The following VWA5A variants were observed in gnomAD, a reference collection of about 807,000 sequenced individuals.
The protein encoded by VWA5A is von Willebrand factor A domain containing 5A, also known as von Willebrand factor A domain-containing protein 5A.
VWA5A carries 77 observed loss-of-function variants against 84.6 expected under a neutral mutation model. The observed-to-expected ratio is 0.91, with a 90% CI of 0.76 to 1.10. The LOEUF (loss-of-function observed/expected upper bound fraction) is 1.10, where lower values mean the gene tolerates loss of function less well. Among genes scored for constraint, VWA5A ranks in the 50% least tolerant of loss-of-function variants. VWA5A has a pLI of 0.00. For synonymous variants in VWA5A, 334 were observed against 350.1 expected (o/e 0.95, Z 0.51); for missense variants, 973 against 963.0 (o/e 1.01, Z -0.14).
At chr11:124,139,452 C>T (rs1860684017) in intron 15 of VWA5A, among the ~76,000 whole-genome samples, 1 of 152,028 alleles carries the variant, frequency 6.6e-6, no homozygotes, top group South Asian at 2.1e-4. Flanking sequence ...TTATTTGTGT[C>T]TTCTTCAATT....
At chr11:124,131,805 T>A (rs867451111) in intron 11 of VWA5A, among the ~76,000 whole-genome samples, 60 of 151,830 alleles carry the variant, frequency 4.0e-4, no homozygotes, top group Non-Finnish European at 5.9e-4. Flanking sequence ...TATTTTTTTT[T>A]AAAAAATTTT....
rs1864860523 is a variant in VWA5A at position 124,117,871 on chromosome 11, T to G, written c.242T>G (p.Met81Arg). The G allele has an allele frequency of 5.0e-6, 8 of 1,614,114 alleles. No homozygotes were observed. Among genetic ancestry groups the G allele is most frequent in the Non-Finnish European group, 6.8e-6 (8 of 1,180,044 alleles). ...ATTGTAGCAGAATTACAAGACAAGA[T>G]GAAGGTAGTAGAGATTACCTCCTCC... is the stretch of plus-strand genomic sequence containing the variant. The part of the protein sequence containing the change: ...KKIVAELQDK[M>R]KARTNYEKAI... The change falls in exon 4 of 19, where the codon ATG (methionine) becomes AGG (arginine). Residue 81 changes from methionine to arginine, a missense_variant. Transcript: ENST00000456829.
chr11:124,118,310 C>A lies in VWA5A; in HGVS notation c.368C>A (p.Ala123Glu). 1.9e-6 allele frequency: 3 copies of A among 1,614,178 alleles called. No homozygotes were observed. Among genetic ancestry groups the A allele is most frequent in the Non-Finnish European group, 2.5e-6 (3 of 1,180,030 alleles). The change falls in exon 5 of 19, where the codon GCG becomes GAG. Residue 123 changes from alanine (A) to glutamate (E), a missense_variant. Coordinates refer to ENST00000456829, the MANE Select transcript of VWA5A (RefSeq NM_001130142.2). ...NVGNLQPGSKAAVTLKYVQEL... is the reference protein window; with the variant it reads ...NVGNLQPGSKEAVTLKYVQEL... ...GGTAACCTCCAACCTGGGTCGAAGG[C>A]GGCAGTCACCCTGAAGTATGTGCAG...
chr11:124,123,911 A>G (rs999170968), intron 10 of VWA5A, 107 bp downstream of exon 10: 24 of 1,400,906 alleles, frequency 1.7e-5, no homozygotes, highest in Non-Finnish European at 2.1e-5. Flanking sequence ...TGCAATTCAC[A>G]GTCTTCTATC....
At chr11:124,137,348 T>G in intron 15 of VWA5A, 80 bp downstream of exon 15, 1 of 1,515,516 alleles carries the variant, frequency 6.6e-7, no homozygotes, top group Non-Finnish European at 8.8e-7. Flanking sequence ...AGGAAAGGGC[T>G]GTGAAATGTT....
At chr11:124,145,784 C>T (rs1277640099) in intron 18 of VWA5A, 82 bp from the exon 19 acceptor site, 2 of 1,396,390 alleles carry the variant, frequency 1.4e-6, no homozygotes, top group Non-Finnish European at 2.0e-6. Context: ...AAAAGCACAA[C>T]TCAGGGTAGA....
At chr11:124,117,239 A>C in intron 2 of VWA5A, 1 of 542,672 alleles carries the variant, frequency 1.8e-6, no homozygotes. Context: ...TTGGTATTTG[A>C]ACCAGCCTCA....
chr11:124,123,524 G>T, intron 9 of VWA5A, 70 bp downstream of exon 9: 9 of 1,599,192 alleles, frequency 5.6e-6, no homozygotes, highest in Non-Finnish European at 6.9e-6. Context: ...TTGTTAAAGG[G>T]GTTACTGCGG....
intron 10 of VWA5A, 64 bp downstream of exon 10, chr11:124,123,868 C>T (rs1289481988): frequency 6.6e-7 from 1 of 1,509,986 alleles, no homozygotes; most frequent in African/African-American, 1.4e-5. Context: ...AATCTATGCC[C>T]CTGAGCTTCA....
rs1201673170 is a variant in VWA5A at position 124,119,070 on chromosome 11, G to T, written c.741G>T (p.Gly247=). 1 of 1,614,168 alleles carries T rather than the reference G, an allele frequency of 6.2e-7. No individual in the cohort carries two copies. Among genetic ancestry groups the T allele is most frequent in the Non-Finnish European group, 8.5e-7 (1 of 1,180,016 alleles). ...VHTPSVVLEM[G]MPNMKPGHLM... ...CCCCCAGCGTGGTTTTGGAGATGGG[G>T]ATGCCTAACATGAAGCCAGGTATTT... Residue 247 remains glycine, a synonymous_variant, in exon 7 of 19, where the codon GGG becomes GGT. Coordinates refer to ENST00000456829, the MANE Select transcript of VWA5A (RefSeq NM_001130142.2).
rs989960366 is a variant in VWA5A, at chr11:124,135,674, G to A, written c.1360-455G>A. Among the ~76,000 whole-genome samples the A allele has an allele frequency of 2.2e-4, 32 of 148,098 alleles. 1 individual carries two copies. In the East Asian group the frequency reaches 5.7e-3, roughly 26 times the overall value. Reference sequence around the variant, plus strand: ...GCCTCCTGAGTAGCTGGGACTACAGGCGCCCGCCACTACGCCCGGCTAATT... The same window carrying A: ...GCCTCCTGAGTAGCTGGGACTACAGACGCCCGCCACTACGCCCGGCTAATT... On this transcript the variant is annotated intron_variant, in intron 12 of 18. Coordinates refer to ENST00000456829, the MANE Select transcript of VWA5A (RefSeq NM_001130142.2).
chr11:124,140,470 A>AT (rs113680412), intron 15 of VWA5A, among the ~76,000 whole-genome samples: 43 of 149,928 alleles, frequency 2.9e-4, no homozygotes, highest in Middle Eastern at 3.5e-3. Flanking sequence ...GAATTTTTAA[A>AT]TTTTTTTTTT....
At chr11:124,142,241 C>T (rs1249219071) in intron 16 of VWA5A, among the ~76,000 whole-genome samples, 1 of 152,210 alleles carries the variant, frequency 6.6e-6, no homozygotes, top group African/African-American at 2.4e-5. Context: ...CCTGCTGCCA[C>T]CATCTGTGAG....
In VWA5A at chr11:124,138,342, C is replaced by T. The variant is rs377227271; in HGVS notation, c.1879+1074C>T. Among the ~76,000 whole-genome samples the T allele has an allele frequency of 2.7e-3, 407 of 152,202 alleles. 1 individual carries two copies. The highest frequency in any genetic ancestry group is 9.0e-3 in the African/African-American group (375 of 41,538). On this transcript the variant is annotated intron_variant, in intron 15 of 18. Transcript: ENST00000456829. The stretch of plus-strand genomic sequence containing the variant: ...GGATTGCTGGATCATATAGTACCTC[C>T]ATTTTTAACATTTTAAGGAGCCACA...
intron 11 of VWA5A, among the ~76,000 whole-genome samples, chr11:124,131,291 C>T (rs1248086314): frequency 6.6e-6 from 1 of 152,096 alleles, no homozygotes; most frequent in Non-Finnish European, 1.5e-5. Context: ...AAAGAGGATT[C>T]ATGTCCAGGG....
Position 124,123,352 on chromosome 11 carries a change from T to G in VWA5A, c.931-14T>G. Reference sequence around the variant, plus strand: ...CCTCTCTCACTCTGTCTCTTCATACTCTCTTACCTTCAGGAAACACTGATT... The same window carrying G: ...CCTCTCTCACTCTGTCTCTTCATACGCTCTTACCTTCAGGAAACACTGATT... On this transcript the variant is annotated splice_polypyrimidine_tract_variant and intron_variant, in intron 8 of 18. Coordinates refer to ENST00000456829, the MANE Select transcript of VWA5A (RefSeq NM_001130142.2). The G allele has an allele frequency of 1.2e-6, 2 of 1,609,838 alleles. No individual in the cohort carries two copies. The highest frequency in any genetic ancestry group is 1.7e-6 in the Non-Finnish European group (2 of 1,178,414).
At chr11:124,132,751 A>G (rs1242109659) in intron 11 of VWA5A, among the ~76,000 whole-genome samples, 1 of 152,120 alleles carries the variant, frequency 6.6e-6, no homozygotes, top group East Asian at 1.9e-4. Context: ...TATTTCATTA[A>G]TATCTGCTCG....
chr11:124,127,351 CT>C (rs1249813705), intron 11 of VWA5A, among the ~76,000 whole-genome samples: 2 of 152,154 alleles, frequency 1.3e-5, no homozygotes. Flanking sequence ...TGAACTCATC[CT>C]TTTTTATGGC....
Position 124,136,114 on chromosome 11 carries a change from T to C in VWA5A, c.1360-15T>C. On this transcript the variant is annotated splice_polypyrimidine_tract_variant and intron_variant, in intron 12 of 18. Coordinates refer to ENST00000456829, the MANE Select transcript of VWA5A (RefSeq NM_001130142.2). ...TGTATCATTTGTGTTTATTCTGTTC[T>C]CTTCCCCACATTAGGCTCTCAGGAC... 1.9e-6 allele frequency: 3 copies of C among 1,612,550 alleles called. No individual in the cohort carries two copies. The highest frequency in any genetic ancestry group is 2.5e-6 in the Non-Finnish European group (3 of 1,178,886).
Sources: gnomAD v4.1 joint callset for allele counts (sites outside exome capture counted in the v4.1 genomes callset) on GRCh38, gnomAD v4.1.1 for gene constraint, MANE v1.5 for transcripts, NCBI Gene and HGNC (gene_info 2026-07-23, HGNC 2026-07-21) for gene names.